DDX60L: variants seen among roughly 807,000 people sequenced by gnomAD.
DDX60L encodes the protein probable ATP-dependent RNA helicase DDX60-like.
Under a neutral mutation model 211.6 loss-of-function variants are expected in DDX60L, and 191 were observed. That is an observed-to-expected ratio of 0.90 (90% CI 0.80 to 1.02). DDX60L has a LOEUF of 1.02. Among genes scored for constraint, DDX60L ranks in the 50% least tolerant of loss-of-function variants. The pLI is 0.00. For synonymous variants in DDX60L, 706 were observed against 694.1 expected (o/e 1.02, Z -0.27); for missense variants, 2,007 against 1,984.1 (o/e 1.01, Z -0.22).
chr4:168,421,917 G>C lies in DDX60L; in HGVS notation c.2245-8C>G, dbSNP rs756724281. The C allele has an allele frequency of 2.4e-5, 39 of 1,613,880 alleles. No individual in the cohort carries two copies. In the East Asian group the frequency reaches 8.0e-4, roughly 33 times the overall value. On this transcript the variant is annotated splice_polypyrimidine_tract_variant and splice_region_variant and intron_variant, in intron 16 of 37. Coordinates refer to ENST00000682922, the MANE Select transcript of DDX60L (RefSeq NM_001012967.3). ...CACATCCAGGAGTTCCTGCTGCAGG[G>C]TACAAAGCACCATTTGTGTCAAGAA...
Position 168,462,047 on chromosome 4 carries a change from T to C in DDX60L, c.265-7A>G, listed in dbSNP as rs556142061. 6 of 1,562,844 alleles carry C rather than the reference T, an allele frequency of 3.8e-6. No individual in the cohort carries two copies. The highest frequency in any genetic ancestry group is 1.9e-5 in the Admixed American group (1 of 52,172). On this transcript the variant is annotated splice_polypyrimidine_tract_variant and splice_region_variant and intron_variant, in intron 4 of 37. Transcript: ENST00000682922. ...AATATGCATATTCAGCATCCTGTGGTGAGAAAAAGAAACAAGCACATCATT... is the reference window on the plus strand; with the variant it reads ...AATATGCATATTCAGCATCCTGTGGCGAGAAAAAGAAACAAGCACATCATT...
At chr4:168,394,004 C>T (rs1745318980) in intron 28 of DDX60L, among the ~76,000 whole-genome samples, 1 of 151,954 alleles carries the variant, frequency 6.6e-6, no homozygotes, top group African/African-American at 2.4e-5. Flanking sequence ...AACAGGCTGG[C>T]CCGTATGGTG....
intron 1 of DDX60L, among the ~76,000 whole-genome samples, chr4:168,476,732 T>C (rs915492103): frequency 3.9e-5 from 6 of 152,236 alleles, no homozygotes; most frequent in Middle Eastern, 3.2e-3. Context: ...TCCTTCCACA[T>C]TTAAGAATTA....
intron 20 of DDX60L, among the ~76,000 whole-genome samples, chr4:168,416,179 C>A (rs993807320): frequency 6.6e-6 from 1 of 152,124 alleles, no homozygotes; most frequent in Non-Finnish European, 1.5e-5. Context: ...TCATATAATG[C>A]TTTGTTGTTC....
chr4:168,412,463 T>C (rs1394489686), intron 22 of DDX60L, among the ~76,000 whole-genome samples: 1 of 151,924 alleles, frequency 6.6e-6, no homozygotes, highest in Non-Finnish European at 1.5e-5. Context: ...AAACTCACCA[T>C]GGGCCAGGGC....
chr4:168,398,977 C>T (rs1164617719), intron 26 of DDX60L, among the ~76,000 whole-genome samples: 1 of 152,206 alleles, frequency 6.6e-6, no homozygotes, highest in African/African-American at 2.4e-5. Flanking sequence ...ACTCCAGGGT[C>T]TCCTCTCTGC....
At chr4:168,409,052 G>T (rs1193861981) in intron 22 of DDX60L, among the ~76,000 whole-genome samples, 4 of 152,176 alleles carry the variant, frequency 2.6e-5, no homozygotes, top group Non-Finnish European at 4.4e-5. Flanking sequence ...AGACCATCTT[G>T]CTATTGTCAT....
chr4:168,441,971 T>C (rs1427100428), intron 9 of DDX60L, among the ~76,000 whole-genome samples: 1 of 152,164 alleles, frequency 6.6e-6, no homozygotes, highest in East Asian at 1.9e-4. Context: ...AACAAGTTTT[T>C]AAAGAGTTTA....
intron 29 of DDX60L, among the ~76,000 whole-genome samples, chr4:168,389,034 G>A (rs577144329): frequency 6.6e-6 from 1 of 152,310 alleles, no homozygotes; most frequent in Admixed American, 6.5e-5. Context: ...TGGGACCCAG[G>A]CAGCAGACTG....
chr4:168,381,585 T>A (rs1468097747), intron 30 of DDX60L, among the ~76,000 whole-genome samples: 1 of 27,620 alleles, frequency 3.6e-5, no homozygotes, highest in African/African-American at 4.9e-5. Flanking sequence ...TCAATTTTTT[T>A]TAAAAAAAAA....
rs199648164 is a variant in DDX60L at position 168,467,445 on chromosome 4, C to CAA, written c.264+4300_264+4301dup. Among the ~76,000 whole-genome samples the CAA allele has an allele frequency of 4.3e-4, 47 of 109,098 alleles. 1 individual carries two copies. The highest frequency in any genetic ancestry group is 1.2e-3 in the African/African-American group (37 of 30,640). 71.6% of individuals were successfully genotyped at this position (109,098 alleles called of 152,430 possible). Reference sequence around the variant, plus strand: ...AAAAAAGAAAATTTAGTTTCCATTCCAAAAAAAAAAAAAAAATGAAAGAAG... The same window carrying CAA: ...AAAAAAGAAAATTTAGTTTCCATTCCAAAAAAAAAAAAAAAAAATGAAAGAAG... On this transcript the variant is annotated intron_variant, in intron 4 of 37. Transcript: ENST00000682922.
At chr4:168,412,750 C>T (rs1748904316) in intron 22 of DDX60L, among the ~76,000 whole-genome samples, 1 of 152,226 alleles carries the variant, frequency 6.6e-6, no homozygotes, top group South Asian at 2.1e-4. Context: ...TCCATTCTAA[C>T]CCAGTGCAGT....
chr4:168,441,112 T>C (rs1270000663), intron 10 of DDX60L, among the ~76,000 whole-genome samples: 2 of 152,106 alleles, frequency 1.3e-5, no homozygotes, highest in Non-Finnish European at 2.9e-5. Context: ...CAGGTGGTTA[T>C]CACACAGATG....
intron 14 of DDX60L, 129 bp downstream of exon 14, chr4:168,426,941 G>A: frequency 9.4e-7 from 1 of 1,063,780 alleles, no homozygotes; most frequent in South Asian, 1.7e-5. Flanking sequence ...ATCTTAAAGG[G>A]TCATGTTGAC....
At chr4:168,377,135 A>C (rs953565925) in intron 33 of DDX60L, among the ~76,000 whole-genome samples, 3 of 152,078 alleles carry the variant, frequency 2.0e-5, no homozygotes, top group African/African-American at 7.2e-5. Context: ...TACTAAAAAT[A>C]CAAAAAAATT....
chr4:168,477,046 G>A (rs1015838121), intron 1 of DDX60L, among the ~76,000 whole-genome samples: 1 of 152,198 alleles, frequency 6.6e-6, no homozygotes, highest in African/African-American at 2.4e-5. Context: ...TTTCTATTGT[G>A]TAATGCCACT....
intron 5 of DDX60L, among the ~76,000 whole-genome samples, chr4:168,459,774 G>GGGAAGGAAGGAAGGAGGGAAGGAA (rs1757060519): frequency 7.0e-5 from 4 of 56,918 alleles, no homozygotes; most frequent in Non-Finnish European, 1.0e-4. Flanking sequence ...GAAGGAAGGA[G>GGGAAGGAAGGAAGGAGGGAAGGAA]GGAAGGAAGG....
At position 168,391,548 on chromosome 4, in the gene DDX60L, A is replaced by G. The variant is rs1283586543; in HGVS notation, c.3907T>C (p.Tyr1303His). Residue 1303 changes from tyrosine (Y) to histidine (H), a missense_variant, in exon 29 of 38, where the codon TAC becomes CAC. Physicochemically the swap from Tyr to His is moderately conservative, Grantham distance 83. Coordinates refer to ENST00000682922, the MANE Select transcript of DDX60L (RefSeq NM_001012967.3). Reference sequence around the variant, plus strand: ...AAGAGTCAGAGAGTTACCTGTCTGTAATTTAAAGCATCCAGATAGACTGAG... The same window carrying G: ...AAGAGTCAGAGAGTTACCTGTCTGTGATTTAAAGCATCCAGATAGACTGAG... ...QDSVYLDALN[Y>H]RQMSGRAGRR... 1.9e-6 allele frequency: 3 copies of G among 1,596,894 alleles called. No homozygotes were observed. The highest frequency in any genetic ancestry group is 2.6e-6 in the Non-Finnish European group (3 of 1,168,142).
intron 17 of DDX60L, among the ~76,000 whole-genome samples, chr4:168,421,010 T>C (rs1326907625): frequency 6.6e-6 from 1 of 152,226 alleles, no homozygotes; most frequent in Non-Finnish European, 1.5e-5. Flanking sequence ...TCAGGTATTT[T>C]ACACAAAGAG....
Sources: allele counts gnomAD v4.1 joint callset (sites outside exome capture counted in the v4.1 genomes callset), GRCh38; gene constraint gnomAD v4.1.1; transcripts MANE v1.5; gene names NCBI Gene and HGNC (gene_info 2026-07-23, HGNC 2026-07-21).